Variants in DPY19L2 observed in about 807,000 individuals in gnomAD.
DPY19L2 encodes the protein dpy-19 like 2.
Under a neutral mutation model 97.9 loss-of-function variants are expected in DPY19L2, and 34 were observed. The observed-to-expected ratio is 0.35, with a 90% CI of 0.26 to 0.46. The LOEUF is 0.46. Ranked by LOEUF, DPY19L2 falls within the 20% of genes least tolerant of loss-of-function variation. The probability of loss-of-function intolerance (pLI) is 1.00; values close to 1 mark genes in which losing one functional copy is unlikely to be tolerated. For synonymous variants in DPY19L2, 230 were observed against 307.9 expected (o/e 0.75, Z 2.65); for missense variants, 623 against 911.4 (o/e 0.68, Z 4.07).
At chr12:63,584,529 G>A (rs1335624526) in intron 16 of DPY19L2, among the ~76,000 whole-genome samples, 1 of 152,114 alleles carries the variant, frequency 6.6e-6, no homozygotes, top group Non-Finnish European at 1.5e-5. Flanking sequence ...TTTAAATTGT[G>A]CACCATACTG....
intron 6 of DPY19L2, among the ~76,000 whole-genome samples, chr12:63,641,503 A>G (rs1892698458): frequency 6.6e-6 from 1 of 152,158 alleles, no homozygotes; most frequent in Non-Finnish European, 1.5e-5. Flanking sequence ...CTATATACAT[A>G]TCAAACTATG....
intron 21 of DPY19L2, among the ~76,000 whole-genome samples, chr12:63,567,426 G>A (rs954019769): frequency 1.4e-4 from 22 of 151,788 alleles, no homozygotes; most frequent in African/African-American, 5.3e-4. Context: ...ATTTAAATTG[G>A]GTTATTTCTA....
chr12:63,609,903 T>C, intron 11 of DPY19L2, among the ~76,000 whole-genome samples: 1 of 152,066 alleles, frequency 6.6e-6, no homozygotes, highest in East Asian at 1.9e-4. Flanking sequence ...AAACTTCCAA[T>C]AGGAAAATAT....
At chr12:63,566,422 T>C (rs184824617) in intron 21 of DPY19L2, among the ~76,000 whole-genome samples, 101 of 152,142 alleles carry the variant, frequency 6.6e-4, no homozygotes, top group African/African-American at 2.3e-3. Flanking sequence ...CAGAGATCCC[T>C]TGTATAGCCA....
chr12:63,612,967 G>A (rs1030840888), intron 11 of DPY19L2, among the ~76,000 whole-genome samples: 164 of 152,088 alleles, frequency 1.1e-3, no homozygotes, highest in African/African-American at 3.7e-3. Context: ...AAGAGGAAAT[G>A]GATAACACGA....
At chr12:63,597,453 T>G (rs7299973) in intron 14 of DPY19L2, among the ~76,000 whole-genome samples, 7,486 of 151,862 alleles carry the variant, frequency 0.049, 550 homozygotes, top group African/African-American at 0.17. Flanking sequence ...CTGAATTTCT[T>G]AAAAACAGAA....
chr12:63,590,849 G>A, intron 16 of DPY19L2: 1 of 267,916 alleles, frequency 3.7e-6, no homozygotes, highest in South Asian at 3.9e-5. Context: ...GGAACCCTCT[G>A]CCCATACACA....
At chr12:63,623,973 A>G in intron 8 of DPY19L2, 67 bp downstream of exon 8, 2 of 1,291,592 alleles carry the variant, frequency 1.5e-6, no homozygotes, top group Non-Finnish European at 2.2e-6. Context: ...CAAAGTGCTG[A>G]ATTGAAGTAT....
intron 21 of DPY19L2, among the ~76,000 whole-genome samples, 155 bp from the exon 22 acceptor site, chr12:63,560,817 T>TA (rs200648426): frequency 0.17 from 26,056 of 152,052 alleles, 2,373 homozygotes; most frequent in Middle Eastern, 0.24. Flanking sequence ...TTTAGAAATT[T>TA]AAAAAATAGA....
At chr12:63,632,449 G>T (rs1199000280) in intron 6 of DPY19L2, among the ~76,000 whole-genome samples, 2 of 152,120 alleles carry the variant, frequency 1.3e-5, no homozygotes, top group Admixed American at 6.6e-5. Context: ...AAACCATGAG[G>T]CAACTCCCAT....
rs1417872960 is a variant in DPY19L2 at position 63,621,240 on chromosome 12, G to C, written c.1051C>G (p.Gln351Glu). 1.0e-6 allele frequency: 1 copy of C among 975,652 alleles called. No homozygotes were observed. The highest frequency in any genetic ancestry group is 1.6e-6 in the Non-Finnish European group (1 of 639,312). The allele number at this position is 975,652 out of a possible 1,614,324, so 60.4% of individuals were successfully genotyped here. Residue 351 changes from glutamine (Q) to glutamate (E), a missense_variant and splice_region_variant, in exon 9 of 22, where the codon CAG becomes GAG. Transcript: ENST00000324472. ...ATTAATTTAAAAAATCATCTTACCT[G>C]TGTAAAAAGTATAAACTGAGCAAAT... is the stretch of plus-strand genomic sequence containing the variant. ...WQFAQFILFT[Q>E]IASLFPMYVV...
chr12:63,574,045 T>C (rs986393234), intron 19 of DPY19L2, among the ~76,000 whole-genome samples: 4 of 152,002 alleles, frequency 2.6e-5, no homozygotes, highest in East Asian at 1.9e-4. Flanking sequence ...AGTGTCATTA[T>C]GGTATATAAA....
At position 63,559,667 on chromosome 12, in the gene DPY19L2, T is replaced by C. The variant is rs919809659; in HGVS notation, c.*845A>G. 13 of 152,246 alleles carry C rather than the reference T, an allele frequency of 8.5e-5. No individual in the cohort carries two copies. Among genetic ancestry groups the C allele is most frequent in the African/African-American group, 3.1e-4 (13 of 41,460 alleles). The allele number at this position is 152,246 out of a possible 1,614,324, so 9.4% of individuals were successfully genotyped here. On this transcript the variant is annotated 3_prime_UTR_variant, in exon 22 of 22. Transcript: ENST00000324472. ...GGGGCCATCAAGATGAAAAGACCTT[T>C]CCTTTATTCAAGATCTAGGATCTGA...
chr12:63,571,251 T>C (rs1378713019), intron 19 of DPY19L2, among the ~76,000 whole-genome samples: 1 of 152,054 alleles, frequency 6.6e-6, no homozygotes. Context: ...CCCCCAATTC[T>C]GTGGAAAAAA....
intron 20 of DPY19L2, among the ~76,000 whole-genome samples, chr12:63,570,097 A>C (rs1878518132): frequency 6.6e-6 from 1 of 152,292 alleles, no homozygotes; most frequent in East Asian, 1.9e-4. Flanking sequence ...AATAATTTAA[A>C]CATTTGCCTC....
intron 17 of DPY19L2, 78 bp from the exon 18 acceptor site, chr12:63,582,603 T>C: frequency 7.1e-7 from 1 of 1,403,336 alleles, no homozygotes; most frequent in East Asian, 2.5e-5. Context: ...AAAACTATAT[T>C]ATTCATTAAG....
Position 63,575,178 on chromosome 12 carries a change from T to G in DPY19L2, c.1901-4321A>C, listed in dbSNP as rs193011458. ...CAGTAGCAAAAGGAATTTTGGAAAC[T>G]CTACAAACATACAAATTAAAGAATA... On this transcript the variant is annotated intron_variant, in intron 19 of 21. Transcript: ENST00000324472. Among the ~76,000 whole-genome samples the G allele has an allele frequency of 9.2e-5, 14 of 152,054 alleles. No homozygotes were observed. The East Asian group carries it at 2.7e-3, about 29-fold the overall frequency.
At chr12:63,585,788 G>T (rs553148305) in intron 16 of DPY19L2, among the ~76,000 whole-genome samples, 1 of 152,176 alleles carries the variant, frequency 6.6e-6, no homozygotes, top group Non-Finnish European at 1.5e-5. Flanking sequence ...GACCTCTCAT[G>T]AAACAGCCAA....
chr12:63,603,684 C>A (rs1885562437), intron 12 of DPY19L2, among the ~76,000 whole-genome samples: 1 of 152,164 alleles, frequency 6.6e-6, no homozygotes, highest in African/African-American at 2.4e-5. Flanking sequence ...ATCCATGTCC[C>A]TGTCAAGGAC....
Sources: gnomAD v4.1 joint callset for allele counts (sites outside exome capture counted in the v4.1 genomes callset) on GRCh38, gnomAD v4.1.1 for gene constraint, MANE v1.5 for transcripts, NCBI Gene and HGNC (gene_info 2026-07-23, HGNC 2026-07-21) for gene names.